Variants in PAMR1 observed in about 807,000 individuals in gnomAD.
PAMR1 encodes peptidase domain containing associated with muscle regeneration 1, also known as inactive serine protease PAMR1.
In PAMR1, 88 loss-of-function variants were observed where a neutral mutation model predicts 81.8. That is an observed-to-expected ratio of 1.08 (90% confidence interval 0.91 to 1.28). PAMR1 has a LOEUF of 1.28. Among genes scored for constraint, PAMR1 ranks in the 50% most tolerant of loss-of-function variants. PAMR1 has a pLI of 0.00. For missense variants in PAMR1, 935 were observed against 919.7 expected (o/e 1.02, Z -0.21); for synonymous variants, 336 against 345.3 (o/e 0.97, Z 0.30).
intron 6 of PAMR1, among the ~76,000 whole-genome samples, chr11:35,463,621 G>A (rs897475389): frequency 1.3e-5 from 2 of 152,216 alleles, no homozygotes; most frequent in African/African-American, 4.8e-5. Flanking sequence ...GCCCAAGGAG[G>A]CTGGAGGTTG....
At chr11:35,458,000 TCA>T (rs1420961773) in intron 6 of PAMR1, among the ~76,000 whole-genome samples, 3 of 152,116 alleles carry the variant, frequency 2.0e-5, no homozygotes, top group African/African-American at 7.2e-5. Context: ...AAAGAAAGCC[TCA>T]GACAGGGTAG....
chr11:35,463,272 A>T (rs1012250332), intron 6 of PAMR1, among the ~76,000 whole-genome samples: 9 of 152,184 alleles, frequency 5.9e-5, no homozygotes, highest in Non-Finnish European at 1.3e-4. Flanking sequence ...AGACTCCAAA[A>T]CCCAAATGAA....
chr11:35,479,122 T>C (rs1850335935), intron 3 of PAMR1, among the ~76,000 whole-genome samples: 1 of 152,146 alleles, frequency 6.6e-6, no homozygotes, highest in Admixed American at 6.5e-5. Context: ...GGGGAGGGGA[T>C]TGTGGGAGAG....
chr11:35,498,582 C>A (rs1850770553), intron 1 of PAMR1, among the ~76,000 whole-genome samples: 5 of 152,166 alleles, frequency 3.3e-5, no homozygotes, highest in African/African-American at 9.7e-5. Context: ...TATGTCAGAT[C>A]AATTTCTTGC....
intron 6 of PAMR1, among the ~76,000 whole-genome samples, chr11:35,461,207 A>G (rs1856646303): frequency 6.6e-6 from 1 of 152,210 alleles, no homozygotes; most frequent in South Asian, 2.1e-4. Flanking sequence ...GCCAAAGCAA[A>G]AGCCAAAAGG....
intron 6 of PAMR1, among the ~76,000 whole-genome samples, chr11:35,466,305 T>A (rs974120728): frequency 1.1e-4 from 16 of 152,132 alleles, no homozygotes; most frequent in African/African-American, 2.9e-4. Flanking sequence ...ATTTTCTATG[T>A]CTCTAGCAGT....
At chr11:35,514,930 A>C (rs1851135699) in intron 1 of PAMR1, among the ~76,000 whole-genome samples, 1 of 152,236 alleles carries the variant, frequency 6.6e-6, no homozygotes, top group Non-Finnish European at 1.5e-5. Context: ...ACTCGAGCCC[A>C]GCAGGTCAAG....
chr11:35,513,885 G>A (rs1384032669), intron 1 of PAMR1, among the ~76,000 whole-genome samples: 1 of 152,204 alleles, frequency 6.6e-6, no homozygotes, highest in Non-Finnish European at 1.5e-5. Flanking sequence ...ACAGTTTGGT[G>A]ATGCTGCTTT....
At chr11:35,494,594 A>G (rs1405260010) in intron 1 of PAMR1, among the ~76,000 whole-genome samples, 1 of 151,922 alleles carries the variant, frequency 6.6e-6, no homozygotes, top group African/African-American at 2.4e-5. Flanking sequence ...CCGCCTCCCA[A>G]AGTGCTGGGA....
chr11:35,474,728 C>T lies in PAMR1; in HGVS notation c.396G>A (p.Leu132=). 1 of 1,608,882 alleles carries T rather than the reference C, an allele frequency of 6.2e-7. No homozygotes were observed. Residue 132 remains leucine, a synonymous_variant, in exon 4 of 11, where the codon CTG becomes CTA. Transcript: ENST00000619888. ...GGDCMRCGQV[L]RAPKGQILLE... ...ACAAAATCTGACCCTTTGGGGCTCG[C>T]AGAACCTGGCCACATCCTAAGAAAA...
intron 6 of PAMR1, chr11:35,451,930 C>A (rs1856427020): frequency 2.9e-6 from 2 of 695,208 alleles, no homozygotes; most frequent in East Asian, 5.6e-5. Context: ...GACTTCCCAG[C>A]CTCCAGAACT....
intron 6 of PAMR1, among the ~76,000 whole-genome samples, chr11:35,446,329 T>C (rs1416202878): frequency 6.6e-6 from 1 of 152,220 alleles, no homozygotes; most frequent in African/African-American, 2.4e-5. Context: ...TTTGTGTCTC[T>C]ATCTCCTTCA....
At chr11:35,528,864 G>A (rs960977320), upstream of PAMR1, 1 of 152,202 alleles carries the variant, frequency 6.6e-6, no homozygotes, top group African/African-American at 2.4e-5. Flanking sequence ...CTAGAGCTGA[G>A]GACCTGGAAA....
intron 1 of PAMR1, among the ~76,000 whole-genome samples, chr11:35,506,077 C>T (rs1356427986): frequency 6.7e-6 from 1 of 149,380 alleles, no homozygotes; most frequent in Admixed American, 6.6e-5. Flanking sequence ...ATAGATATAA[C>T]AAATTATTTT....
upstream of PAMR1, chr11:35,529,029 T>G (rs940547586): frequency 6.6e-6 from 1 of 152,182 alleles, no homozygotes; most frequent in East Asian, 1.9e-4. Context: ...AAGTCAGTAG[T>G]TTACTGAGGA....
chr11:35,488,402 G>A (rs1485905263), intron 3 of PAMR1, among the ~76,000 whole-genome samples: 1 of 151,532 alleles, frequency 6.6e-6, no homozygotes, highest in Non-Finnish European at 1.5e-5. Flanking sequence ...TTAATATTGT[G>A]TAGAAACAGA....
At chr11:35,493,431 C>T (rs939978435) in intron 2 of PAMR1, among the ~76,000 whole-genome samples, 2 of 152,108 alleles carry the variant, frequency 1.3e-5, no homozygotes, top group Non-Finnish European at 2.9e-5. Context: ...CACTCTCCCT[C>T]TCCTTCTCCC....
chr11:35,477,997 C>A (rs1159745204), intron 3 of PAMR1, among the ~76,000 whole-genome samples: 1 of 152,190 alleles, frequency 6.6e-6, no homozygotes, highest in African/African-American at 2.4e-5. Flanking sequence ...TCCTGCACAG[C>A]CCCCGTCCCT....
chr11:35,481,699 T>A (rs1439556094), intron 3 of PAMR1, among the ~76,000 whole-genome samples: 1 of 151,962 alleles, frequency 6.6e-6, no homozygotes, highest in African/African-American at 2.4e-5. Context: ...ATTTCTGTGT[T>A]TTTAGTAGAG....
Sources: gnomAD v4.1 joint callset for allele counts (sites outside exome capture counted in the v4.1 genomes callset) on GRCh38, gnomAD v4.1.1 for gene constraint, MANE v1.5 for transcripts, NCBI Gene and HGNC (gene_info 2026-07-23, HGNC 2026-07-21) for gene names.